Variants in PANK4 observed in about 807,000 individuals in gnomAD.
The protein encoded by PANK4 is 4'-phosphopantetheine phosphatase.
A neutral mutation model predicts 87.9 loss-of-function variants in PANK4; 40 were observed. That is an observed-to-expected ratio of 0.46 (90% CI 0.35 to 0.59). The LOEUF (loss-of-function observed/expected upper bound fraction) is 0.59, where lower values mean the gene tolerates loss of function less well. PANK4 is among the 20% of genes least tolerant of loss of function. The pLI is 0.00. For missense variants in PANK4, 926 were observed against 1,072.3 expected (o/e 0.86, Z 1.90); for synonymous variants, 524 against 467.4 (o/e 1.12, Z -1.56).
Position 2,509,969 on chromosome 1 carries a change from C to T in PANK4, c.2040-39G>A. ...GGTGGTCAGTGCCCCCAGGAGCTCC[C>T]AGTTCAGTGACAATCCCCATGGCCC... On this transcript the variant is annotated intron_variant, in intron 17 of 18. Transcript: ENST00000378466. This position sits in a 1 kb window ranked among gnomAD's most constrained non-coding sequence, Gnocchi z 4.9. 2 of 1,596,662 alleles carry T rather than the reference C, an allele frequency of 1.3e-6. No homozygotes were observed. Among genetic ancestry groups the T allele is most frequent in the Non-Finnish European group, 1.7e-6 (2 of 1,170,226 alleles).
chr1:2,522,629 T>C (rs1304217734), intron 1 of PANK4, among the ~76,000 whole-genome samples: 1 of 150,734 alleles, frequency 6.6e-6, no homozygotes, highest in Non-Finnish European at 1.5e-5. Flanking sequence ...ATTCATAGAT[T>C]TGAAACAACA....
rs79522229 is a variant in PANK4 at position 2,513,960 on chromosome 1, G to A, written c.1575+42C>T. ...ACAGGACACGCGGTGCCAGCGGGACGGGGACAAGAGCGAGCGGAAGGCCAG... is the reference window on the plus strand; with the variant it reads ...ACAGGACACGCGGTGCCAGCGGGACAGGGACAAGAGCGAGCGGAAGGCCAG... On this transcript the variant is annotated intron_variant, in intron 12 of 18. Coordinates refer to ENST00000378466, the MANE Select transcript of PANK4 (RefSeq NM_018216.4). The A allele has an allele frequency of 6.6e-5, 93 of 1,405,224 alleles. No individual in the cohort carries two copies. In the East Asian group the frequency reaches 1.2e-3, roughly 18 times the overall value. 87.0% of individuals were successfully genotyped at this position (1,405,224 alleles called of 1,614,324 possible).
rs143205050 is a variant in PANK4, at chr1:2,521,793, C to T, written c.132G>A (p.Ser44=). Residue 44 remains serine, a synonymous_variant, in exon 2 of 19, where the codon TCG becomes TCA. Transcript: ENST00000378466. ...TTGAATAGTAGGCCAGCTTGGTTAA[C>T]GACCCGCCTGCAGGGGAGACACAAA... ...AKRFAIDIGG[S]LTKLAYYSTV... 6.6e-4 allele frequency: 1,064 copies of T among 1,613,818 alleles called. 1 individual carries two copies. Among genetic ancestry groups the T allele is most frequent in the Admixed American group, 8.7e-4 (52 of 60,018 alleles).
chr1:2,521,358 G>T, intron 2 of PANK4, 43 bp from the exon 3 acceptor site: 1 of 1,485,962 alleles, frequency 6.7e-7, no homozygotes, highest in Non-Finnish European at 9.4e-7. Flanking sequence ...GTGGGACACC[G>T]CGCCGGGCTG....
rs1296270069 is a variant in PANK4, at chr1:2,520,425, G to C, written c.607-11C>G. The C allele has an allele frequency of 6.2e-7, 1 of 1,610,022 alleles. No homozygotes were observed. Among genetic ancestry groups the C allele is most frequent in the African/African-American group, 1.3e-5 (1 of 74,886 alleles). Reference sequence around the variant, plus strand: ...GTCCTCCGTCTCCACCTGCAACAGAGCCAGGGCAGGTGTGCCCTCAGTGGG... The same window carrying C: ...GTCCTCCGTCTCCACCTGCAACAGACCCAGGGCAGGTGTGCCCTCAGTGGG... On this transcript the variant is annotated splice_polypyrimidine_tract_variant and intron_variant, in intron 4 of 18. Coordinates refer to ENST00000378466, the MANE Select transcript of PANK4 (RefSeq NM_018216.4). The surrounding 1 kb of genome is among the most constrained non-coding windows in gnomAD (Gnocchi z 6.2).
At chr1:2,513,110 G>C in intron 12 of PANK4, 71 bp from the exon 13 acceptor site, 1 of 1,483,918 alleles carries the variant, frequency 6.7e-7, no homozygotes, top group Non-Finnish European at 9.1e-7. Flanking sequence ...CCTGCCAGGC[G>C]CAGCCTGTTC....
At position 2,509,794 on chromosome 1, in the gene PANK4, G is replaced by C. The variant is rs1215524173; in HGVS notation, c.2108+68C>G. On this transcript the variant is annotated intron_variant, in intron 18 of 18. Coordinates refer to ENST00000378466, the MANE Select transcript of PANK4 (RefSeq NM_018216.4). The surrounding 1 kb of genome is among the most constrained non-coding windows in gnomAD (Gnocchi z 4.9). ...AGGTCGGTGTCCCGCATGCACCTGG[G>C]TGCAGGTGCACGGCACAGAGGGCAC... The C allele has an allele frequency of 7.3e-7, 1 of 1,371,186 alleles. No individual in the cohort carries two copies. Among genetic ancestry groups the C allele is most frequent in the African/African-American group, 1.4e-5 (1 of 70,314 alleles). The allele number at this position is 1,371,186 out of a possible 1,614,324, so 84.9% of individuals were successfully genotyped here. A position where few individuals can be genotyped will look rare whatever the true frequency, so the allele number is the denominator to read the frequency against.
chr1:2,521,475 G>A, intron 2 of PANK4, 160 bp from the exon 3 acceptor site: 1 of 721,502 alleles, frequency 1.4e-6, no homozygotes, highest in South Asian at 1.6e-5. Flanking sequence ...TAGGACCGTG[G>A]CGACCTCAGG....
In PANK4 at chr1:2,508,840, C is replaced by T. The variant is rs1350299680; in HGVS notation, c.*7G>A. The T allele has an allele frequency of 6.5e-7, 1 of 1,528,570 alleles. No individual in the cohort carries two copies. Among genetic ancestry groups the T allele is most frequent in the Non-Finnish European group, 9.0e-7 (1 of 1,111,070 alleles). 94.7% of individuals were successfully genotyped at this position (1,528,570 alleles called of 1,614,324 possible). On this transcript the variant is annotated 3_prime_UTR_variant, in exon 19 of 19. Coordinates refer to ENST00000378466, the MANE Select transcript of PANK4 (RefSeq NM_018216.4). The surrounding 1 kb of genome is among the most constrained non-coding windows in gnomAD (Gnocchi z 5.1). ...GACAAGCAGAAGAGTCCGGCAGCTGCAGCGCCTCACTCGGCTGGGACCTCG... is the reference window on the plus strand; with the variant it reads ...GACAAGCAGAAGAGTCCGGCAGCTGTAGCGCCTCACTCGGCTGGGACCTCG...
At chr1:2,521,380 C>T (rs1643874180) in intron 2 of PANK4, 65 bp from the exon 3 acceptor site, 2 of 1,279,968 alleles carry the variant, frequency 1.6e-6, no homozygotes, top group Non-Finnish European at 2.3e-6. Context: ...GCTGTGCGCA[C>T]CCTGCCCTAG....
At position 2,509,768 on chromosome 1, in the gene PANK4, G is replaced by A; in HGVS notation, c.2108+94C>T. ...CAGGAGAGGCCGCAGGGGCAGTCCT[G>A]AGGTCGGTGTCCCGCATGCACCTGG... On this transcript the variant is annotated intron_variant, in intron 18 of 18. Transcript: ENST00000378466. The surrounding 1 kb of genome is among the most constrained non-coding windows in gnomAD (Gnocchi z 4.9). 1 of 1,106,204 alleles carries A rather than the reference G, an allele frequency of 9.0e-7. No individual in the cohort carries two copies. The highest frequency in any genetic ancestry group is 1.4e-6 in the Non-Finnish European group (1 of 734,800). The allele number at this position is 1,106,204 out of a possible 1,614,324, so 68.5% of individuals were successfully genotyped here.
chr1:2,515,910 C>T lies in PANK4; in HGVS notation c.1219-193G>A. 3.2e-6 allele frequency: 2 copies of T among 620,366 alleles called. No individual in the cohort carries two copies. Among genetic ancestry groups the T allele is most frequent in the South Asian group, 2.0e-5 (1 of 51,158 alleles). The allele number at this position is 620,366 out of a possible 1,614,324, so 38.4% of individuals were successfully genotyped here. A position where few individuals can be genotyped will look rare whatever the true frequency, so the allele number is the denominator to read the frequency against. On this transcript the variant is annotated intron_variant, in intron 9 of 18. Transcript: ENST00000378466. The surrounding 1 kb of genome is among the most constrained non-coding windows in gnomAD (Gnocchi z 5.0). ...GGCCTGAGCCGGATACCTTGACTTA[C>T]CCCCTGGTTTGACACTGGGGTTGCG...
chr1:2,521,429 G>A (rs1570548786), intron 2 of PANK4, 114 bp from the exon 3 acceptor site: 13 of 899,680 alleles, frequency 1.4e-5, no homozygotes, highest in Middle Eastern at 2.7e-4. Flanking sequence ...ACCAGGCGGC[G>A]CTCTGAGGCA....
intron 10 of PANK4, among the ~76,000 whole-genome samples, chr1:2,514,684 G>A (rs1643734400): frequency 7.0e-6 from 1 of 143,006 alleles, no homozygotes; most frequent in African/African-American, 2.6e-5. Flanking sequence ...GCTTCCCGGG[G>A]CAGGGTCAGG....
At chr1:2,524,905 T>C (rs1643907436) in intron 1 of PANK4, among the ~76,000 whole-genome samples, 1 of 151,916 alleles carries the variant, frequency 6.6e-6, no homozygotes, top group Non-Finnish European at 1.5e-5. Context: ...CGGTAGACAA[T>C]CCCCTAGGCT....
chr1:2,515,951 C>G lies in PANK4; in HGVS notation c.1219-234G>C. 1 of 578,572 alleles carries G rather than the reference C, an allele frequency of 1.7e-6. No individual in the cohort carries two copies. Among genetic ancestry groups the G allele is most frequent in the Non-Finnish European group, 3.1e-6 (1 of 323,788 alleles). The allele number at this position is 578,572 out of a possible 1,614,324, so 35.8% of individuals were successfully genotyped here. A position where few individuals can be genotyped will look rare whatever the true frequency, so the allele number is the denominator to read the frequency against. On this transcript the variant is annotated intron_variant, in intron 9 of 18. Coordinates refer to ENST00000378466, the MANE Select transcript of PANK4 (RefSeq NM_018216.4). This position sits in a 1 kb window ranked among gnomAD's most constrained non-coding sequence, Gnocchi z 5.0. ...TGGGGTTGCGTCTGCTCCCACCACA[C>G]GCCTCCTGCCCCCAGCACCTCCCCG...
At chr1:2,522,416 C>T (rs1479743791) in intron 1 of PANK4, among the ~76,000 whole-genome samples, 1 of 152,214 alleles carries the variant, frequency 6.6e-6, no homozygotes, top group African/African-American at 2.4e-5. Context: ...AGGCCAAAGT[C>T]TCTCTGATGC....
chr1:2,522,455 G>A (rs1352271843), intron 1 of PANK4, among the ~76,000 whole-genome samples: 1 of 152,188 alleles, frequency 6.6e-6, no homozygotes, highest in African/African-American at 2.4e-5. Flanking sequence ...CTTCCAGGAT[G>A]CCGCCTGTGA....
At position 2,520,132 on chromosome 1, in the gene PANK4, A is replaced by C. The variant is rs1643862799; in HGVS notation, c.700-178T>G. 6.6e-6 allele frequency among the ~76,000 whole-genome samples: 1 copy of C among 152,112 alleles called. No homozygotes were observed. Among genetic ancestry groups the C allele is most frequent in the African/African-American group, 2.4e-5 (1 of 41,410 alleles). Reference sequence around the variant, plus strand: ...CCCTCGGGCCACCCAGCCAGGATAGAAGCTCTGGGTTGCTGGGACACCCAA... The same window carrying C: ...CCCTCGGGCCACCCAGCCAGGATAGCAGCTCTGGGTTGCTGGGACACCCAA... On this transcript the variant is annotated intron_variant, in intron 5 of 18. Transcript: ENST00000378466. This position sits in a 1 kb window ranked among gnomAD's most constrained non-coding sequence, Gnocchi z 6.2.
Sources: gnomAD v4.1 joint callset for allele counts (sites outside exome capture counted in the v4.1 genomes callset) on GRCh38, gnomAD v4.1.1 for gene constraint, Gnocchi (gnomAD v3.1) non-coding constraint, MANE v1.5 for transcripts, NCBI Gene and HGNC (gene_info 2026-07-23, HGNC 2026-07-21) for gene names.